Variants in HECA observed in about 807,000 individuals in gnomAD.
HECA encodes headcase protein homolog.
Under a neutral mutation model 37.6 loss-of-function variants are expected in HECA, and 13 were observed. That is an observed-to-expected ratio of 0.35 (90% CI 0.23 to 0.55). HECA has a LOEUF of 0.55. Among genes scored for constraint, HECA ranks in the 20% least tolerant of loss-of-function variants. The pLI is 0.90. For synonymous variants in HECA, 307 were observed against 291.5 expected (o/e 1.05, Z -0.54); for missense variants, 527 against 701.9 (o/e 0.75, Z 2.82).
At position 139,135,278 on chromosome 6, in the gene HECA, C is replaced by G; in HGVS notation, c.-119C>G. ...GCGGCTAGACGGGAGCCGAGGGAAC[C>G]GCCGGCTCGCGCCCTCCGTTCTTTC... On this transcript the variant is annotated 5_prime_UTR_variant, in exon 1 of 4. Transcript: ENST00000367658. 1.2e-6 allele frequency: 1 copy of G among 845,382 alleles called. No individual in the cohort carries two copies. Among genetic ancestry groups the G allele is most frequent in the Non-Finnish European group, 1.5e-6 (1 of 671,590 alleles). 52.4% of individuals were successfully genotyped at this position (845,382 alleles called of 1,614,324 possible). A position where few individuals can be genotyped will look rare whatever the true frequency, so the allele number is the denominator to read the frequency against.
At position 139,153,620 on chromosome 6, in the gene HECA, G is replaced by T. The variant is rs889270964; in HGVS notation, c.272-12664G>T. ...GTATTTTTAGTAGAGACGAGGTTTC[G>T]CCATGTTGGTCAGGCTGGTCACTCC... On this transcript the variant is annotated intron_variant, in intron 1 of 3. Coordinates refer to ENST00000367658, the MANE Select transcript of HECA (RefSeq NM_016217.3). Among the ~76,000 whole-genome samples, 4 of 151,752 alleles carry T rather than the reference G, an allele frequency of 2.6e-5. No homozygotes were observed. The South Asian group carries it at 8.3e-4, about 32-fold the overall frequency.
intron 1 of HECA, among the ~76,000 whole-genome samples, chr6:139,162,102 G>A (rs1774813391): frequency 6.6e-6 from 1 of 152,122 alleles, no homozygotes; most frequent in Non-Finnish European, 1.5e-5. Flanking sequence ...GCCCAGTGGT[G>A]CCGGAAACAC....
Position 139,179,326 on chromosome 6 carries a change from A to G in HECA, c.*2221A>G, listed in dbSNP as rs542560874. On this transcript the variant is annotated 3_prime_UTR_variant, in exon 4 of 4. Transcript: ENST00000367658. Reference sequence around the variant, plus strand: ...AAAATTTTATAGTGAAACCTGCTTTATATTGTTGTTCTGAAGCTTACAATT... The same window carrying G: ...AAAATTTTATAGTGAAACCTGCTTTGTATTGTTGTTCTGAAGCTTACAATT... 6.6e-6 allele frequency: 1 copy of G among 152,302 alleles called. No homozygotes were observed. The highest frequency in any genetic ancestry group is 1.5e-5 in the Non-Finnish European group (1 of 68,028). 9.4% of individuals were successfully genotyped at this position (152,302 alleles called of 1,614,324 possible).
At chr6:139,150,034 T>G (rs1159963793) in intron 1 of HECA, among the ~76,000 whole-genome samples, 1 of 152,214 alleles carries the variant, frequency 6.6e-6, no homozygotes, top group Non-Finnish European at 1.5e-5. Context: ...CCTCACATAG[T>G]TTATATTTTG....
intron 3 of HECA, among the ~76,000 whole-genome samples, chr6:139,175,594 C>A (rs1269280657): frequency 6.6e-6 from 1 of 152,150 alleles, no homozygotes; most frequent in African/African-American, 2.4e-5. Context: ...AGCCTGTTAA[C>A]TCAGAAGATT....
Position 139,135,512 on chromosome 6 carries a change from C to A in HECA, c.116C>A (p.Ala39Glu). ...GCAGCGGCGGGCGCGGCGGGAGCGG[C>A]GGCCGGGGGGGCCCTGGCGGCGGCG... The part of the protein sequence containing the change: ...ALAAAGAAGA[A>E]AGGALAAAAG... Residue 39 changes from alanine to glutamate, a missense_variant, in exon 1 of 4, where the codon GCG becomes GAG. Coordinates refer to ENST00000367658, the MANE Select transcript of HECA (RefSeq NM_016217.3). 1.9e-6 allele frequency: 2 copies of A among 1,080,058 alleles called. No homozygotes were observed. The highest frequency in any genetic ancestry group is 1.1e-6 in the Non-Finnish European group (1 of 885,030). The allele number at this position is 1,080,058 out of a possible 1,614,324, so 66.9% of individuals were successfully genotyped here. A position where few individuals can be genotyped will look rare whatever the true frequency, so the allele number is the denominator to read the frequency against.
chr6:139,150,981 T>C (rs1774643270), intron 1 of HECA: 1 of 152,224 alleles, frequency 6.6e-6, no homozygotes, highest in Non-Finnish European at 1.5e-5. Context: ...TGACTGATTG[T>C]TGAGTCTACT....
chr6:139,149,496 C>T (rs3777678), intron 1 of HECA, among the ~76,000 whole-genome samples: 101,783 of 152,122 alleles, frequency 0.67, 35,045 homozygotes, highest in African/African-American at 0.79. Context: ...TAATGTGGTG[C>T]AGTGTGGCTG....
At chr6:139,172,143 A>C (rs1582949916) in intron 2 of HECA, among the ~76,000 whole-genome samples, 1 of 151,910 alleles carries the variant, frequency 6.6e-6, no homozygotes, top group East Asian at 1.9e-4. Context: ...AAACTTTTTT[A>C]AGAGATGGGG....
chr6:139,157,591 T>G (rs1774735579), intron 1 of HECA, among the ~76,000 whole-genome samples: 1 of 152,390 alleles, frequency 6.6e-6, no homozygotes, highest in African/African-American at 2.4e-5. Flanking sequence ...ACTGCTTTGT[T>G]GTGAAGAAGA....
intron 1 of HECA, among the ~76,000 whole-genome samples, chr6:139,158,785 A>G (rs917552008): frequency 2.0e-5 from 3 of 151,810 alleles, no homozygotes; most frequent in African/African-American, 7.3e-5. Flanking sequence ...TAGTATTATT[A>G]TTTCTGGGCC....
At chr6:139,140,028 A>G (rs41391157) in intron 1 of HECA, among the ~76,000 whole-genome samples, 3,167 of 152,316 alleles carry the variant, frequency 0.021, 118 homozygotes, top group African/African-American at 0.072. Flanking sequence ...TGAATTCCAT[A>G]TATCTGTTGA....
rs1346684007 is a variant in HECA at position 139,161,783 on chromosome 6, G to A, written c.272-4501G>A. On this transcript the variant is annotated intron_variant, in intron 1 of 3. Coordinates refer to ENST00000367658, the MANE Select transcript of HECA (RefSeq NM_016217.3). ...CTTGGGTTAGTAAAATTTGGTTATT[G>A]TGGTTACATTTCAGGGACGTTTACT... Among the ~76,000 whole-genome samples, 4 of 152,300 alleles carry A rather than the reference G, an allele frequency of 2.6e-5. No homozygotes were observed. The East Asian group carries it at 7.7e-4, about 29-fold the overall frequency.
intron 1 of HECA, among the ~76,000 whole-genome samples, chr6:139,152,417 G>GGTGTGTGTGTGTGTGT (rs1562244500): frequency 5.2e-5 from 2 of 38,168 alleles, no homozygotes; most frequent in African/African-American, 1.4e-4. Context: ...TGAAGCATTG[G>GGTGTGTGTGTGTGTGT]ATGTGTGTGT....
chr6:139,174,470 G>T lies in HECA; in HGVS notation c.1398G>T (p.Trp466Cys). The change falls in exon 3 of 4, where the codon TGG (tryptophan) becomes TGT (cysteine). Residue 466 changes from tryptophan (W) to cysteine (C), a missense_variant. Trp to Cys is a radical substitution (Grantham distance 215). Transcript: ENST00000367658. ...KIICIKCKSR[W>C]DGSWHQLGTM... is the part of the protein sequence containing the mutation. ...TCTGCATCAAGTGTAAGTCACGGTG[G>T]GATGGCAGCTGGCACCAGCTGGGCA... The T allele has an allele frequency of 6.2e-7, 1 of 1,613,942 alleles. No homozygotes were observed. Among genetic ancestry groups the T allele is most frequent in the Non-Finnish European group, 8.5e-7 (1 of 1,179,986 alleles).
chr6:139,158,749 C>T (rs1774753851), intron 1 of HECA, among the ~76,000 whole-genome samples: 1 of 151,818 alleles, frequency 6.6e-6, no homozygotes, highest in African/African-American at 2.4e-5. Flanking sequence ...CTTCATTCCT[C>T]ATGGCAACCC....
At chr6:139,145,388 A>G (rs955640012) in intron 1 of HECA, among the ~76,000 whole-genome samples, 5 of 152,222 alleles carry the variant, frequency 3.3e-5, no homozygotes, top group African/African-American at 1.2e-4. Flanking sequence ...TAATACTTGA[A>G]AAGTCTAAGA....
At chr6:139,145,029 GT>G (rs1400207674) in intron 1 of HECA, among the ~76,000 whole-genome samples, 1 of 152,150 alleles carries the variant, frequency 6.6e-6, no homozygotes, top group Non-Finnish European at 1.5e-5. Flanking sequence ...TTTATTTTTC[GT>G]ACCTAGGTAG....
intron 1 of HECA, among the ~76,000 whole-genome samples, chr6:139,146,605 C>T (rs1425536483): frequency 2.0e-5 from 3 of 152,090 alleles, no homozygotes; most frequent in South Asian, 2.1e-4. Context: ...AATCTGAGAG[C>T]GGGAGCCTGA....
Sources: allele counts gnomAD v4.1 joint callset (sites outside exome capture counted in the v4.1 genomes callset), GRCh38; gene constraint gnomAD v4.1.1; transcripts MANE v1.5; gene names NCBI Gene and HGNC (gene_info 2026-07-23, HGNC 2026-07-21).